The following AKAP9 variants were observed in gnomAD, a reference collection of about 807,000 sequenced individuals.
The protein encoded by AKAP9 is A-kinase anchor protein 9.
A neutral mutation model predicts 488.5 loss-of-function variants in AKAP9; 311 were observed. The observed-to-expected ratio is 0.64, with a 90% CI of 0.58 to 0.70. The LOEUF (loss-of-function observed/expected upper bound fraction) is 0.70. Among genes scored for constraint, AKAP9 ranks in the 30% least tolerant of loss-of-function variants. The probability of loss-of-function intolerance (pLI) is 0.00; values close to 1 mark genes in which losing one functional copy is unlikely to be tolerated. For missense variants in AKAP9, 4,215 were observed against 4,374.5 expected (o/e 0.96, Z 1.03); for synonymous variants, 1,462 against 1,483.5 (o/e 0.99, Z 0.33).
intron 49 of AKAP9, 26 bp downstream of exon 49, chr7:92,108,659 G>T (rs371599360): frequency 2.2e-5 from 35 of 1,613,792 alleles, no homozygotes; most frequent in Middle Eastern, 1.6e-4. Context: ...CCACATCTTG[G>T]CAGCACCACA....
chr7:92,065,367 A>G lies in AKAP9; in HGVS notation c.6114A>G (p.Ile2038Met), dbSNP rs1463117870. The change falls in exon 25 of 50, where the codon ATA (isoleucine) becomes ATG (methionine). Residue 2038 changes from isoleucine (I) to methionine (M), a missense_variant. By Grantham distance (10) the Ile-to-Met change is conservative. This residue lies in a region of AKAP9 where 2,361 missense variants were observed against 2,430.0 expected (regional missense o/e 0.97). Transcript: ENST00000356239. ...TGGAAGAACAAGTCAGTAGGTTTAT[A>G]GAGCTGGAACAAGAAAAAAATACTG... is the stretch of plus-strand genomic sequence containing the variant. Reference protein sequence around the residue: ...IDVEEQVSRFIELEQEKNTEL... With the variant: ...IDVEEQVSRFMELEQEKNTEL... 1.2e-6 allele frequency: 2 copies of G among 1,613,168 alleles called. No homozygotes were observed. The highest frequency in any genetic ancestry group is 1.7e-6 in the Non-Finnish European group (2 of 1,179,542).
intron 1 of AKAP9, among the ~76,000 whole-genome samples, chr7:91,954,583 T>C (rs1012026748): frequency 6.6e-6 from 1 of 152,180 alleles, no homozygotes; most frequent in African/African-American, 2.4e-5. Flanking sequence ...AAATATACTT[T>C]AAAAAGAAAG....
chr7:92,087,052 C>G (rs1814681378), intron 37 of AKAP9, among the ~76,000 whole-genome samples: 3 of 152,136 alleles, frequency 2.0e-5, no homozygotes, highest in East Asian at 3.9e-4. Context: ...TGAAAAGTCA[C>G]TAAGTACTCT....
At chr7:92,092,648 C>T (rs2130890627) in intron 38 of AKAP9, 1 of 156,124 alleles carries the variant, frequency 6.4e-6, no homozygotes, top group Middle Eastern at 3.3e-3. Flanking sequence ...CGTTACCAAC[C>T]CTTTTTGTTT....
intron 47 of AKAP9, 136 bp downstream of exon 47, chr7:92,105,899 T>G: frequency 1.3e-6 from 1 of 783,162 alleles, no homozygotes; most frequent in African/African-American, 1.7e-5. Context: ...CAGCGGGCAT[T>G]ACTGCCCGAG....
intron 14 of AKAP9, among the ~76,000 whole-genome samples, chr7:92,029,361 A>G (rs1382287888): frequency 6.6e-6 from 1 of 152,200 alleles, no homozygotes; most frequent in Admixed American, 6.5e-5. Context: ...CGATGTGTAT[A>G]CATAGGAAGA....
chr7:92,062,984 G>A (rs959212766), intron 24 of AKAP9, among the ~76,000 whole-genome samples: 7 of 152,106 alleles, frequency 4.6e-5, no homozygotes, highest in African/African-American at 1.4e-4. Context: ...ATACTTAAAT[G>A]TTTAAGTAAC....
chr7:91,966,502 A>G (rs1018976786), intron 1 of AKAP9, among the ~76,000 whole-genome samples: 3 of 152,218 alleles, frequency 2.0e-5, no homozygotes, highest in Non-Finnish European at 4.4e-5. Flanking sequence ...TGTGCTGAGG[A>G]AAGGAATGTG....
At chr7:92,103,046 C>G (rs1293169622) in intron 46 of AKAP9, among the ~76,000 whole-genome samples, 4 of 151,974 alleles carry the variant, frequency 2.6e-5, no homozygotes, top group Admixed American at 6.6e-5. Context: ...CTTCCTAGGT[C>G]CAGGCAGCTG....
Position 92,110,167 on chromosome 7 carries a change from A to C in AKAP9, c.*8A>C. 1 of 1,592,412 alleles carries C rather than the reference A, an allele frequency of 6.3e-7. No individual in the cohort carries two copies. The highest frequency in any genetic ancestry group is 8.6e-7 in the Non-Finnish European group (1 of 1,163,752). On this transcript the variant is annotated 3_prime_UTR_variant, in exon 50 of 50. Coordinates refer to ENST00000356239, the MANE Select transcript of AKAP9 (RefSeq NM_005751.5). ...GCTGGCATGAGAAGATAATCCTTTG[A>C]AACATCATTAATTGAAGTGATTTTA...
At chr7:92,084,282 A>T (rs1007239612) in intron 33 of AKAP9, among the ~76,000 whole-genome samples, 6 of 152,250 alleles carry the variant, frequency 3.9e-5, no homozygotes, top group Non-Finnish European at 8.8e-5. Flanking sequence ...AAATAAAAAA[A>T]CGGGGGCAGT....
chr7:92,031,467 G>T, intron 15 of AKAP9, 45 bp from the exon 16 acceptor site: 1 of 1,329,142 alleles, frequency 7.5e-7, no homozygotes, highest in South Asian at 1.2e-5. Flanking sequence ...AATAAGTGGT[G>T]TATAATTAAT....
intron 17 of AKAP9, among the ~76,000 whole-genome samples, chr7:92,039,410 T>C (rs535429672): frequency 3.5e-4 from 54 of 152,326 alleles, no homozygotes; most frequent in African/African-American, 1.3e-3. Flanking sequence ...GTAATATCTG[T>C]GAATAAAAGA....
intron 3 of AKAP9, among the ~76,000 whole-genome samples, chr7:91,981,788 T>C (rs1394152946): frequency 6.6e-6 from 1 of 152,082 alleles, no homozygotes; most frequent in Non-Finnish European, 1.5e-5. Flanking sequence ...GTATTTTTAG[T>C]AGAGACGGGG....
At position 92,080,164 on chromosome 7, in the gene AKAP9, A is replaced by G. The variant is rs747492475; in HGVS notation, c.8019+12A>G. 1.3e-6 allele frequency: 2 copies of G among 1,549,208 alleles called. No individual in the cohort carries two copies. Among genetic ancestry groups the G allele is most frequent in the East Asian group, 4.6e-5 (2 of 43,576 alleles). On this transcript the variant is annotated intron_variant, in intron 31 of 49. Transcript: ENST00000356239. ...TTGAAGTTCTCAAGGTTAGTTTTGT[A>G]TTTTATTAGTTTCATTTAAATACCC...
chr7:92,032,125 T>C (rs757451011), intron 16 of AKAP9, among the ~76,000 whole-genome samples: 1 of 152,246 alleles, frequency 6.6e-6, no homozygotes, highest in Non-Finnish European at 1.5e-5. Flanking sequence ...ATTAGCCATA[T>C]ACCCTAGTGT....
At chr7:92,069,787 A>G (rs1326938148) in intron 26 of AKAP9, among the ~76,000 whole-genome samples, 1 of 152,144 alleles carries the variant, frequency 6.6e-6, no homozygotes, top group East Asian at 1.9e-4. Context: ...AGGCTGATGC[A>G]GGAGAATTGC....
Position 92,085,554 on chromosome 7 carries a change from C to T in AKAP9, c.8892C>T (p.Pro2964=). Residue 2964 remains proline (P), a synonymous_variant, in exon 36 of 50, where the codon CCC becomes CCT. Transcript: ENST00000356239. ...AGGTGCTTTCTCTCACTGAGTCTCC[C>T]TATAGTGATGGAGAGGACCATTCTA... ...GMQVLSLTES[P]YSDGEDHSIQ... is the part of the protein sequence containing the mutation. The T allele has an allele frequency of 6.2e-7, 1 of 1,613,924 alleles. No individual in the cohort carries two copies. The highest frequency in any genetic ancestry group is 8.5e-7 in the Non-Finnish European group (1 of 1,179,900).
At chr7:92,038,329 G>T in intron 16 of AKAP9, 90 bp from the exon 17 acceptor site, 1 of 1,024,514 alleles carries the variant, frequency 9.8e-7, no homozygotes, top group Non-Finnish European at 1.5e-6. Context: ...GCTTTTTTCT[G>T]TTTATACAAT....
Sources: allele counts gnomAD v4.1 joint callset (sites outside exome capture counted in the v4.1 genomes callset), GRCh38; gene constraint gnomAD v4.1.1; regional missense constraint gnomAD v4.1.1; transcripts MANE v1.5; gene names NCBI Gene and HGNC (gene_info 2026-07-23, HGNC 2026-07-21).